Variants in MAGI1 observed in about 807,000 individuals in gnomAD.
MAGI1 encodes membrane-associated guanylate kinase, WW and PDZ domain-containing protein 1.
Under a neutral mutation model 139.9 loss-of-function variants are expected in MAGI1, and 58 were observed. That is an observed-to-expected ratio of 0.41 (90% CI 0.34 to 0.52). The LOEUF (loss-of-function observed/expected upper bound fraction) is 0.52. Among genes scored for constraint, MAGI1 ranks in the 20% least tolerant of loss-of-function variants. The pLI, the probability that MAGI1 is intolerant of heterozygous loss-of-function variation, is 0.12. For synonymous variants in MAGI1, 812 were observed against 737.9 expected (o/e 1.10, Z -1.63); for missense variants, 1,874 against 1,901.6 (o/e 0.99, Z 0.27).
In MAGI1 at chr3:65,837,334, C is replaced by G. The variant is rs556057045; in HGVS notation, c.313+200662G>C. ...CAACCCCACAGATGAGTATCAACTT[C>G]AGCTGCCACACCTGCTGACGGAAGA... On this transcript the variant is annotated intron_variant, in intron 1 of 22. Transcript: ENST00000402939. Among the ~76,000 whole-genome samples the G allele has an allele frequency of 2.2e-3, 337 of 152,282 alleles. 6 individuals carry two copies. The highest frequency in any genetic ancestry group is 7.7e-3 in the African/African-American group (320 of 41,550).
chr3:65,780,511 G>C lies in MAGI1; in HGVS notation c.314-158423C>G, dbSNP rs116655761. Among the ~76,000 whole-genome samples the C allele has an allele frequency of 4.7e-3, 716 of 152,272 alleles. 9 individuals are homozygous for C. Among genetic ancestry groups the C allele is most frequent in the African/African-American group, 0.017 (695 of 41,562 alleles). On this transcript the variant is annotated intron_variant, in intron 1 of 22. Coordinates refer to ENST00000402939, the MANE Select transcript of MAGI1 (RefSeq NM_001033057.2). Reference sequence around the variant, plus strand: ...ACTATTGAGAGAAGAGCCCTGGAGAGCTAACTTGCATATGTATTCACAGAA... The same window carrying C: ...ACTATTGAGAGAAGAGCCCTGGAGACCTAACTTGCATATGTATTCACAGAA...
At chr3:65,578,058 G>A (rs757089102) in intron 2 of MAGI1, among the ~76,000 whole-genome samples, 5 of 152,186 alleles carry the variant, frequency 3.3e-5, no homozygotes, top group Non-Finnish European at 4.4e-5. Context: ...ATGCCTGCTT[G>A]TTGAGCGACT....
chr3:65,875,979 A>C (rs1433599468), intron 1 of MAGI1, among the ~76,000 whole-genome samples: 1 of 152,178 alleles, frequency 6.6e-6, no homozygotes, highest in East Asian at 1.9e-4. Flanking sequence ...AGAGGGAGGA[A>C]ACCAAGCATT....
At chr3:65,964,416 T>A (rs542185060) in intron 1 of MAGI1, among the ~76,000 whole-genome samples, 49 of 151,604 alleles carry the variant, frequency 3.2e-4, no homozygotes, top group Non-Finnish European at 6.3e-4. Context: ...GGTCAGAGAG[T>A]GAATGAGTCA....
At chr3:65,642,062 C>A (rs536278509) in intron 1 of MAGI1, among the ~76,000 whole-genome samples, 1 of 152,274 alleles carries the variant, frequency 6.6e-6, no homozygotes, top group South Asian at 2.1e-4. Flanking sequence ...AAAAGTTGCA[C>A]AGGCTGACTT....
In MAGI1 at chr3:65,621,998, T is replaced by C; in HGVS notation, c.404A>G (p.Asp135Gly). ...AGGCACAGCATGGCGGTAAAGGTTATCCCTTATGGTCTGCTGGAGCTCATG... is the reference window on the plus strand; with the variant it reads ...AGGCACAGCATGGCGGTAAAGGTTACCCCTTATGGTCTGCTGGAGCTCATG... ...PDHELQQTIR[D>G]NLYRHAVPCT... The change falls in exon 2 of 23, where the codon GAT becomes GGT. Residue 135 changes from aspartate to glycine, a missense_variant. By Grantham distance (94) the Asp-to-Gly change is moderately conservative. Around this residue, in one of 5 missense-constraint regions of MAGI1, gnomAD observed 648 missense variants for 598.1 expected, o/e 1.08. Transcript: ENST00000402939. The C allele has an allele frequency of 6.2e-7, 1 of 1,613,438 alleles. No homozygotes were observed.
intron 1 of MAGI1, among the ~76,000 whole-genome samples, chr3:65,689,463 G>A (rs2088376350): frequency 6.6e-6 from 1 of 151,204 alleles, no homozygotes. Context: ...TTCAGTTAAT[G>A]ACCCAAAGTA....
At chr3:65,447,821 A>C (rs576680112) in intron 7 of MAGI1, among the ~76,000 whole-genome samples, 16 of 152,322 alleles carry the variant, frequency 1.1e-4, no homozygotes, top group African/African-American at 3.8e-4. Context: ...TTGTAAACAT[A>C]ATGTACTACA....
At chr3:65,494,605 T>C (rs1952287631) in intron 2 of MAGI1, among the ~76,000 whole-genome samples, 1 of 152,224 alleles carries the variant, frequency 6.6e-6, no homozygotes, top group South Asian at 2.1e-4. Context: ...AGCAAGGCAT[T>C]ATTACCTGCG....
intron 5 of MAGI1, among the ~76,000 whole-genome samples, chr3:65,458,262 G>T (rs1232227916): frequency 6.6e-6 from 1 of 151,950 alleles, no homozygotes; most frequent in Non-Finnish European, 1.5e-5. Flanking sequence ...AATAAACATG[G>T]GAGTGCAGGT....
intron 1 of MAGI1, among the ~76,000 whole-genome samples, chr3:65,904,926 G>A (rs752471491): frequency 2.0e-5 from 3 of 152,068 alleles, no homozygotes; most frequent in Admixed American, 6.6e-5. Context: ...GCTTAAGCAG[G>A]TAACAGGACA....
Position 65,537,946 on chromosome 3 carries a change from C to A in MAGI1, c.431-44315G>T, listed in dbSNP as rs559521693. On this transcript the variant is annotated intron_variant, in intron 2 of 22. Coordinates refer to ENST00000402939, the MANE Select transcript of MAGI1 (RefSeq NM_001033057.2). Reference sequence around the variant, plus strand: ...CAGCCTGGCCAACATGGTGAAACCTCGTCTCTACTAAAAAATAAAAAATTA... The same window carrying A: ...CAGCCTGGCCAACATGGTGAAACCTAGTCTCTACTAAAAAATAAAAAATTA... 9.2e-5 allele frequency among the ~76,000 whole-genome samples: 14 copies of A among 152,062 alleles called. No individual in the cohort carries two copies. The East Asian group carries it at 2.5e-3, about 27-fold the overall frequency.
chr3:65,882,750 T>C (rs1348628770), intron 1 of MAGI1, among the ~76,000 whole-genome samples: 2 of 151,802 alleles, frequency 1.3e-5, no homozygotes, highest in East Asian at 1.9e-4. Context: ...CTGGGCAACA[T>C]GGTGAAACCC....
chr3:65,995,836 G>T (rs190084806), intron 1 of MAGI1, among the ~76,000 whole-genome samples: 1 of 152,132 alleles, frequency 6.6e-6, no homozygotes, highest in Non-Finnish European at 1.5e-5. Flanking sequence ...AAAATTGTGC[G>T]GCAATTAAAA....
chr3:65,849,089 T>A (rs947525710), intron 1 of MAGI1, among the ~76,000 whole-genome samples: 24 of 131,998 alleles, frequency 1.8e-4, no homozygotes, highest in African/African-American at 5.1e-4. Flanking sequence ...AGTGGCGCAA[T>A]CTCGGCTCAC....
intron 1 of MAGI1, among the ~76,000 whole-genome samples, chr3:65,882,726 T>A (rs1408852159): frequency 6.6e-6 from 1 of 151,920 alleles, no homozygotes; most frequent in African/African-American, 2.4e-5. Context: ...TGAGCTCAGG[T>A]GATCAAGATC....
At chr3:65,998,946 T>C (rs1409198421) in intron 1 of MAGI1, among the ~76,000 whole-genome samples, 1 of 152,068 alleles carries the variant, frequency 6.6e-6, no homozygotes, top group East Asian at 1.9e-4. Context: ...GTTATTTCAT[T>C]TCTTAACAGA....
At chr3:65,440,568 C>A (rs568944920) in intron 8 of MAGI1, among the ~76,000 whole-genome samples, 1 of 152,096 alleles carries the variant, frequency 6.6e-6, no homozygotes, top group Admixed American at 6.5e-5. Context: ...TAACTGTCTG[C>A]AGTAGGGTTC....
intron 2 of MAGI1, among the ~76,000 whole-genome samples, chr3:65,538,389 C>T (rs1213690193): frequency 6.6e-6 from 1 of 152,156 alleles, no homozygotes. Flanking sequence ...ACACACCATC[C>T]TTCCATGTGG....
Sources: allele counts gnomAD v4.1 joint callset (sites outside exome capture counted in the v4.1 genomes callset), GRCh38; gene constraint gnomAD v4.1.1; regional missense constraint gnomAD v4.1.1; transcripts MANE v1.5; gene names NCBI Gene and HGNC (gene_info 2026-07-23, HGNC 2026-07-21).